The following CTNNA3 variants were observed in gnomAD, a reference collection of about 807,000 sequenced individuals.
CTNNA3 encodes the protein catenin alpha 3.
CTNNA3 carries 76 observed loss-of-function variants against 95.7 expected under a neutral mutation model. The ratio of observed to expected loss-of-function variants is 0.79; its 90% CI spans 0.66 to 0.96. The LOEUF is 0.96. CTNNA3 is among the 40% of genes least tolerant of loss of function. The probability of loss-of-function intolerance (pLI) is 0.00; values close to 1 mark genes in which losing one functional copy is unlikely to be tolerated. For missense variants in CTNNA3, 1,191 were observed against 1,089.8 expected, an observed-to-expected ratio of 1.09 and a Z score of -1.31; for synonymous variants, 431 against 374.4, an observed-to-expected ratio of 1.15 and a Z score of -1.74.
intron 7 of CTNNA3, among the ~76,000 whole-genome samples, chr10:66,817,523 G>C (rs1048289995): frequency 6.6e-6 from 1 of 151,872 alleles, no homozygotes; most frequent in African/African-American, 2.4e-5. Flanking sequence ...AATATTATAA[G>C]GAATAGTATG....
rs1268057716 is a variant in CTNNA3 at position 66,607,977 on chromosome 10, G to A, written c.1374+13715C>T. Among the ~76,000 whole-genome samples, 3 of 151,948 alleles carry A rather than the reference G, an allele frequency of 2.0e-5. 1 individual carries two copies. Among genetic ancestry groups the A allele is most frequent in the Non-Finnish European group, 4.4e-5 (3 of 67,962 alleles). ...AATCAGGGAAGAGAAATAAATAAAG[G>A]GCATGTAAACAGGAAGAGGGAAAGT... On this transcript the variant is annotated intron_variant, in intron 10 of 17. Coordinates refer to ENST00000433211, the MANE Select transcript of CTNNA3 (RefSeq NM_013266.4).
intron 8 of CTNNA3, among the ~76,000 whole-genome samples, chr10:66,772,304 A>T (rs1840118789): frequency 6.6e-6 from 1 of 151,988 alleles, no homozygotes; most frequent in African/African-American, 2.4e-5. Context: ...ATGCATCTGT[A>T]ATCCCAGCTA....
At chr10:67,762,098 C>T (rs1841464424) in intron 1 of CTNNA3, among the ~76,000 whole-genome samples, 1 of 147,460 alleles carries the variant, frequency 6.8e-6, no homozygotes, top group African/African-American at 2.5e-5. Flanking sequence ...CAAAAGAACT[C>T]ATTTGGATTT....
intron 7 of CTNNA3, among the ~76,000 whole-genome samples, chr10:66,899,633 G>A (rs930738384): frequency 3.9e-5 from 6 of 152,014 alleles, no homozygotes; most frequent in African/African-American, 1.4e-4. Flanking sequence ...CGGGAAAAAC[G>A]GTACACTTCC....
chr10:67,334,537 G>A (rs561987191), intron 5 of CTNNA3: 1 of 152,672 alleles, frequency 6.5e-6, no homozygotes, highest in Admixed American at 6.5e-5. Context: ...TAGAAAACAA[G>A]AAGGCTCAGA....
rs1466748500 is a variant in CTNNA3 at position 66,069,496 on chromosome 10, C to T, written c.1978-7G>A. On this transcript the variant is annotated splice_polypyrimidine_tract_variant and splice_region_variant and intron_variant, in intron 14 of 17. Transcript: ENST00000433211. Reference sequence around the variant, plus strand: ...GCAGTTGAGTCATCTTAGCCTAAAACATGTGATAATTAGAGTTAAAATCAT... The same window carrying T: ...GCAGTTGAGTCATCTTAGCCTAAAATATGTGATAATTAGAGTTAAAATCAT... 6.3e-7 allele frequency: 1 copy of T among 1,598,466 alleles called. No individual in the cohort carries two copies. Among genetic ancestry groups the T allele is most frequent in the Non-Finnish European group, 8.5e-7 (1 of 1,173,472 alleles).
chr10:66,257,569 C>T (rs1007829067), intron 13 of CTNNA3, among the ~76,000 whole-genome samples: 2 of 152,186 alleles, frequency 1.3e-5, no homozygotes, highest in Non-Finnish European at 2.9e-5. Context: ...AAAACAAGTG[C>T]CATTTGAAGT....
intron 1 of CTNNA3, among the ~76,000 whole-genome samples, chr10:67,713,458 C>A (rs556116441): frequency 6.6e-6 from 1 of 152,212 alleles, no homozygotes; most frequent in Non-Finnish European, 1.5e-5. Flanking sequence ...GATTATAAGT[C>A]ACTCTACTAT....
chr10:66,685,508 G>A (rs746864540), intron 9 of CTNNA3, among the ~76,000 whole-genome samples: 3 of 148,140 alleles, frequency 2.0e-5, no homozygotes, highest in Admixed American at 1.4e-4. Flanking sequence ...AAGTAGCTGG[G>A]ACTACAGGCA....
chr10:66,242,838 G>C (rs1293556229), intron 13 of CTNNA3, among the ~76,000 whole-genome samples: 1 of 152,180 alleles, frequency 6.6e-6, no homozygotes, highest in Non-Finnish European at 1.5e-5. Context: ...TAGGTACATA[G>C]CATTGTTATT....
intron 10 of CTNNA3, among the ~76,000 whole-genome samples, chr10:66,581,418 T>A (rs1156731810): frequency 6.6e-6 from 1 of 151,070 alleles, no homozygotes; most frequent in Non-Finnish European, 1.5e-5. Context: ...TGGGGATTTT[T>A]TTTTTTGACT....
chr10:67,572,509 C>A (rs2133291992), intron 3 of CTNNA3, among the ~76,000 whole-genome samples: 1 of 152,256 alleles, frequency 6.6e-6, no homozygotes, highest in Admixed American at 6.5e-5. Flanking sequence ...TTACCACCAG[C>A]CTGTTGTGTG....
chr10:66,516,684 T>C (rs1297376919), intron 11 of CTNNA3, among the ~76,000 whole-genome samples: 1 of 152,202 alleles, frequency 6.6e-6, no homozygotes, highest in African/African-American at 2.4e-5. Flanking sequence ...AAACTCATCT[T>C]GGAAATCTAA....
chr10:67,732,079 C>T (rs1181420849), intron 1 of CTNNA3, among the ~76,000 whole-genome samples: 1 of 151,486 alleles, frequency 6.6e-6, no homozygotes, highest in East Asian at 1.9e-4. Context: ...CATGCCTGGC[C>T]CATCTTTTTT....
At chr10:66,347,253 C>A (rs899510458) in intron 12 of CTNNA3, among the ~76,000 whole-genome samples, 5 of 152,124 alleles carry the variant, frequency 3.3e-5, no homozygotes, top group African/African-American at 1.2e-4. Flanking sequence ...AAGGTAATAA[C>A]AATTTCCATA....
chr10:66,493,279 T>C (rs1382409024), intron 11 of CTNNA3, among the ~76,000 whole-genome samples: 1 of 152,168 alleles, frequency 6.6e-6, no homozygotes, highest in Admixed American at 6.5e-5. Flanking sequence ...AAAACAGCTT[T>C]ATAATGTCAG....
At chr10:66,950,518 C>T (rs572087756) in intron 7 of CTNNA3, among the ~76,000 whole-genome samples, 68 of 152,104 alleles carry the variant, frequency 4.5e-4, no homozygotes, top group African/African-American at 1.6e-3. Flanking sequence ...CCTTATTTCC[C>T]TATCTTTGTC....
intron 5 of CTNNA3, among the ~76,000 whole-genome samples, chr10:67,410,794 C>T (rs1276741906): frequency 6.6e-6 from 1 of 152,096 alleles, no homozygotes; most frequent in East Asian, 1.9e-4. Flanking sequence ...GACACAAAAT[C>T]AACCTAAGTG....
At chr10:67,284,772 T>C (rs1185136788) in intron 5 of CTNNA3, among the ~76,000 whole-genome samples, 2 of 152,208 alleles carry the variant, frequency 1.3e-5, no homozygotes, top group African/African-American at 2.4e-5. Context: ...GGAGAAAACA[T>C]TGGAATAAGC....
Sources: allele counts gnomAD v4.1 joint callset (sites outside exome capture counted in the v4.1 genomes callset), GRCh38; gene constraint gnomAD v4.1.1; transcripts MANE v1.5; gene names NCBI Gene and HGNC (gene_info 2026-07-23, HGNC 2026-07-21).